SGPP2: variants seen among roughly 807,000 people sequenced by gnomAD.
The protein encoded by SGPP2 is sphingosine 1-phosphate phosphohydrolase 2.
Under a neutral mutation model 33.9 loss-of-function variants are expected in SGPP2, and 30 were observed. The ratio of observed to expected loss-of-function variants is 0.89; its 90% CI spans 0.66 to 1.20. SGPP2 has a LOEUF of 1.20. Ranked by LOEUF, SGPP2 falls within the 50% of genes most tolerant of loss-of-function variation. The probability of loss-of-function intolerance (pLI) is 0.00; values close to 1 mark genes in which losing one functional copy is unlikely to be tolerated. For synonymous variants in SGPP2, 233 were observed against 225.0 expected (o/e 1.04, Z -0.32); for missense variants, 458 against 532.1 (o/e 0.86, Z 1.37).
intron 4 of SGPP2, among the ~76,000 whole-genome samples, chr2:222,536,572 C>T (rs1450933508): frequency 1.6e-4 from 24 of 151,968 alleles, no homozygotes; most frequent in Non-Finnish European, 2.8e-4. Flanking sequence ...CCCAGCTACT[C>T]GGGAGGATGA....
chr2:222,533,351 G>A (rs1262760873), intron 4 of SGPP2, among the ~76,000 whole-genome samples: 2 of 152,082 alleles, frequency 1.3e-5, no homozygotes, highest in Non-Finnish European at 2.9e-5. Flanking sequence ...GTGAGACTTC[G>A]GCTGGACCCA....
chr2:222,516,159 A>AT (rs765345468), intron 2 of SGPP2, among the ~76,000 whole-genome samples: 13 of 152,166 alleles, frequency 8.5e-5, no homozygotes, highest in Non-Finnish European at 1.5e-4. Context: ...TCTTATGCCC[A>AT]TTTGTAATTT....
At chr2:222,485,474 T>G (rs766257764) in intron 2 of SGPP2, among the ~76,000 whole-genome samples, 1 of 152,234 alleles carries the variant, frequency 6.6e-6, no homozygotes, top group Non-Finnish European at 1.5e-5. Flanking sequence ...TACTTTTGTT[T>G]CGGAGCTGGA....
intron 1 of SGPP2, among the ~76,000 whole-genome samples, chr2:222,439,101 G>A (rs1446325107): frequency 6.6e-6 from 1 of 152,120 alleles, no homozygotes; most frequent in Non-Finnish European, 1.5e-5. Context: ...GTGATGTTTT[G>A]GGTCCCCTGG....
chr2:222,554,643 A>G (rs1225209778), intron 4 of SGPP2, among the ~76,000 whole-genome samples: 1 of 152,198 alleles, frequency 6.6e-6, no homozygotes, highest in Non-Finnish European at 1.5e-5. Context: ...TTTCATTAAC[A>G]GAACGTTAAA....
Position 222,521,950 on chromosome 2 carries a change from AGG to A in SGPP2, c.558+5_558+6del. The A allele has an allele frequency of 6.6e-7, 1 of 1,508,912 alleles. No individual in the cohort carries two copies. 93.5% of individuals were successfully genotyped at this position (1,508,912 alleles called of 1,614,324 possible). On this transcript the variant is annotated splice_donor_5th_base_variant and intron_variant, in intron 3 of 4. Transcript: ENST00000321276. ...CTCTACTATGGACAGATACCAGGTA[AGG>A]TGGCCTGGTTCTTCTTCCTACCCAC... is the stretch of plus-strand genomic sequence containing the variant.
At chr2:222,435,028 G>GTATATATATGTGCATATATACACA (rs1697216634) in intron 1 of SGPP2, among the ~76,000 whole-genome samples, 1 of 140,544 alleles carries the variant, frequency 7.1e-6, no homozygotes, top group Non-Finnish European at 1.5e-5. Flanking sequence ...GTATATGTGT[G>GTATATATATGTGCATATATACACA]TATATATATG....
intron 2 of SGPP2, among the ~76,000 whole-genome samples, chr2:222,518,800 A>G (rs1020640374): frequency 9.2e-5 from 14 of 152,256 alleles, no homozygotes; most frequent in Middle Eastern, 3.4e-3. Flanking sequence ...TAGCCTGTGG[A>G]TTTGGCCTGC....
At chr2:222,557,953 C>A (rs1574896743) in intron 4 of SGPP2, among the ~76,000 whole-genome samples, 1 of 152,328 alleles carries the variant, frequency 6.6e-6, no homozygotes, top group East Asian at 1.9e-4. Context: ...AGCCAGCCTG[C>A]AGCCCAACCC....
intron 4 of SGPP2, among the ~76,000 whole-genome samples, chr2:222,529,225 T>C (rs1445405285): frequency 6.6e-6 from 1 of 152,228 alleles, no homozygotes; most frequent in Non-Finnish European, 1.5e-5. Flanking sequence ...ACTTTCTTTG[T>C]TTATCCATAA....
chr2:222,497,980 C>G (rs1325414272), intron 2 of SGPP2, among the ~76,000 whole-genome samples: 1 of 152,106 alleles, frequency 6.6e-6, no homozygotes, highest in Non-Finnish European at 1.5e-5. Context: ...GAAAACTTAT[C>G]CTGTGGAGGA....
At chr2:222,524,922 G>T (rs1016283124) in intron 3 of SGPP2, 22 bp from the exon 4 acceptor site, 4 of 1,597,010 alleles carry the variant, frequency 2.5e-6, no homozygotes, top group African/African-American at 2.7e-5. Context: ...TAATTCCCTT[G>T]TTTTTTCTCC....
chr2:222,436,400 A>G (rs1157979792), intron 1 of SGPP2, among the ~76,000 whole-genome samples: 1 of 152,196 alleles, frequency 6.6e-6, no homozygotes, highest in African/African-American at 2.4e-5. Context: ...GAGAAATAGT[A>G]CCATATATTG....
intron 2 of SGPP2, among the ~76,000 whole-genome samples, chr2:222,475,173 G>A (rs1404628878): frequency 6.6e-6 from 1 of 152,116 alleles, no homozygotes; most frequent in African/African-American, 2.4e-5. Context: ...AGGTTCAAGC[G>A]ATTCTCCTGC....
intron 4 of SGPP2, among the ~76,000 whole-genome samples, chr2:222,532,118 C>T (rs1463502661): frequency 1.3e-5 from 2 of 151,988 alleles, no homozygotes; most frequent in African/African-American, 2.4e-5. Context: ...ACTAAAAATA[C>T]AAAAAATTAG....
At chr2:222,530,442 T>C (rs1321234410) in intron 4 of SGPP2, among the ~76,000 whole-genome samples, 1 of 152,262 alleles carries the variant, frequency 6.6e-6, no homozygotes, top group Non-Finnish European at 1.5e-5. Flanking sequence ...ATTTTCTGGA[T>C]AACTAGCTAT....
At chr2:222,554,013 G>A (rs2106157026) in intron 4 of SGPP2, among the ~76,000 whole-genome samples, 1 of 152,288 alleles carries the variant, frequency 6.6e-6, no homozygotes, top group Non-Finnish European at 1.5e-5. Flanking sequence ...AGGACACAGT[G>A]AGGGTCCTGA....
At chr2:222,461,905 G>T (rs1302984634) in intron 1 of SGPP2, among the ~76,000 whole-genome samples, 2 of 152,142 alleles carry the variant, frequency 1.3e-5, no homozygotes, top group African/African-American at 2.4e-5. Flanking sequence ...AACAAAGGAA[G>T]TCTCCAGCTT....
chr2:222,538,150 G>A (rs960803755), intron 4 of SGPP2, among the ~76,000 whole-genome samples: 1 of 152,190 alleles, frequency 6.6e-6, no homozygotes, highest in Non-Finnish European at 1.5e-5. Flanking sequence ...TGGTTGCTGG[G>A]AATTGGGGTG....
Sources: gnomAD v4.1 joint callset for allele counts (sites outside exome capture counted in the v4.1 genomes callset) on GRCh38, gnomAD v4.1.1 for gene constraint, MANE v1.5 for transcripts, NCBI Gene and HGNC (gene_info 2026-07-23, HGNC 2026-07-21) for gene names.